The following SPIDR variants were observed in gnomAD, a reference collection of about 807,000 sequenced individuals.
SPIDR encodes the protein scaffold protein involved in DNA repair.
In SPIDR, 93 loss-of-function variants were observed where a neutral mutation model predicts 104.6. The observed-to-expected ratio is 0.89, with a 90% CI of 0.75 to 1.06. The LOEUF is 1.06. Ranked by LOEUF, SPIDR falls within the 50% of genes least tolerant of loss-of-function variation. SPIDR has a pLI of 0.00. For synonymous variants in SPIDR, 431 were observed against 416.9 expected (o/e 1.03, Z -0.41); for missense variants, 1,154 against 1,111.2 (o/e 1.04, Z -0.55).
intron 8 of SPIDR, among the ~76,000 whole-genome samples, chr8:47,466,847 A>C (rs190499008): frequency 1.7e-4 from 25 of 149,964 alleles, no homozygotes; most frequent in South Asian, 2.1e-4. Flanking sequence ...TAATCAAGAC[A>C]TGAAAAACCT....
intron 8 of SPIDR, among the ~76,000 whole-genome samples, chr8:47,538,759 A>G (rs1010639353): frequency 6.6e-6 from 1 of 151,842 alleles, no homozygotes; most frequent in Non-Finnish European, 1.5e-5. Flanking sequence ...AAATTGAATC[A>G]TATTTTTCTC....
intron 6 of SPIDR, among the ~76,000 whole-genome samples, chr8:47,404,507 A>G (rs902971436): frequency 3.9e-5 from 6 of 152,160 alleles, no homozygotes; most frequent in Non-Finnish European, 7.3e-5. Flanking sequence ...TTTACAAGAA[A>G]GAATCAAACA....
At chr8:47,383,482 A>G (rs1442938738) in intron 5 of SPIDR, among the ~76,000 whole-genome samples, 3 of 152,216 alleles carry the variant, frequency 2.0e-5, no homozygotes, top group East Asian at 3.8e-4. Context: ...AAAATGCTGT[A>G]TTAACTTAAT....
At chr8:47,644,201 G>A (rs1049991994) in intron 10 of SPIDR, among the ~76,000 whole-genome samples, 3 of 152,170 alleles carry the variant, frequency 2.0e-5, no homozygotes, top group Admixed American at 2.0e-4. Flanking sequence ...AGGAAGAAGG[G>A]CCCTGGAGAT....
chr8:47,601,780 G>A (rs1342367715), intron 10 of SPIDR, among the ~76,000 whole-genome samples: 1 of 152,208 alleles, frequency 6.6e-6, no homozygotes, highest in Non-Finnish European at 1.5e-5. Context: ...CAGCAGAAGT[G>A]CAAGTGTTTT....
chr8:47,335,190 A>G (rs1385982793), intron 5 of SPIDR, among the ~76,000 whole-genome samples: 1 of 152,166 alleles, frequency 6.6e-6, no homozygotes, highest in Non-Finnish European at 1.5e-5. Flanking sequence ...TTTACTGTCT[A>G]ATTTATTCCT....
At chr8:47,340,227 T>A (rs2050484696) in intron 5 of SPIDR, among the ~76,000 whole-genome samples, 1 of 152,174 alleles carries the variant, frequency 6.6e-6, no homozygotes, top group South Asian at 2.1e-4. Context: ...TTTTGTCCTT[T>A]ATGGCTACGA....
chr8:47,364,448 T>G (rs943232613), intron 5 of SPIDR, among the ~76,000 whole-genome samples: 4 of 152,238 alleles, frequency 2.6e-5, no homozygotes, highest in Non-Finnish European at 5.9e-5. Flanking sequence ...GAAGTGTTTT[T>G]GATGCAGAGC....
chr8:47,353,226 CT>C (rs2053895653), intron 5 of SPIDR, among the ~76,000 whole-genome samples: 1 of 152,040 alleles, frequency 6.6e-6, no homozygotes, highest in South Asian at 2.1e-4. Context: ...TGCCTGCATA[CT>C]TATATATACG....
At position 47,477,677 on chromosome 8, in the gene SPIDR, A is replaced by G. The variant is rs183726470; in HGVS notation, c.1097+37135A>G. ...ATGGCTTCTTGCAGATTGTCCCTCA[A>G]TAAGTATTAAAGTGGCAGTGAGTTT... is the stretch of plus-strand genomic sequence containing the variant. On this transcript the variant is annotated intron_variant, in intron 8 of 19. Coordinates refer to ENST00000297423, the MANE Select transcript of SPIDR (RefSeq NM_001080394.4). Among the ~76,000 whole-genome samples, 228 of 152,342 alleles carry G rather than the reference A, an allele frequency of 1.5e-3. 2 individuals carry two copies. In the South Asian group the frequency reaches 0.021, roughly 14 times the overall value.
chr8:47,706,357 C>T (rs1338083645), intron 14 of SPIDR, among the ~76,000 whole-genome samples: 1 of 152,188 alleles, frequency 6.6e-6, no homozygotes, highest in Non-Finnish European at 1.5e-5. Flanking sequence ...CACGCCACTG[C>T]ACTCCAGCCT....
intron 5 of SPIDR, among the ~76,000 whole-genome samples, chr8:47,358,434 T>A (rs1182780859): frequency 2.0e-5 from 3 of 152,202 alleles, no homozygotes; most frequent in African/African-American, 7.2e-5. Flanking sequence ...AGAGATTATC[T>A]TATTTTTTTC....
intron 8 of SPIDR, among the ~76,000 whole-genome samples, chr8:47,447,012 A>G (rs558423235): frequency 6.6e-6 from 1 of 152,280 alleles, no homozygotes; most frequent in East Asian, 1.9e-4. Flanking sequence ...GGAGTATGGA[A>G]AGAGTTGATT....
At position 47,440,532 on chromosome 8, in the gene SPIDR, T is replaced by G. The variant is rs2069209644; in HGVS notation, c.1087T>G (p.Phe363Val). The G allele has an allele frequency of 6.2e-7, 1 of 1,613,708 alleles. No individual in the cohort carries two copies. The highest frequency in any genetic ancestry group is 1.7e-5 in the Admixed American group (1 of 60,010). ...CCGTCCCCAGGACACTGTCCGGATC[T>G]TCCCTCCCTGGTGAGTGCGCAGAAC... ...RGRPQDTVRI[F>V]PPWQKLIIPS... The change falls in exon 8 of 20, where the codon TTC becomes GTC. Residue 363 changes from phenylalanine (F) to valine (V), a missense_variant. Physicochemically the swap from Phe to Val is conservative, Grantham distance 50. Coordinates refer to ENST00000297423, the MANE Select transcript of SPIDR (RefSeq NM_001080394.4).
In SPIDR at chr8:47,396,643, T is replaced by C; in HGVS notation, c.776+17T>C. On this transcript the variant is annotated intron_variant, in intron 6 of 19. Coordinates refer to ENST00000297423, the MANE Select transcript of SPIDR (RefSeq NM_001080394.4). Reference sequence around the variant, plus strand: ...GCTTTTAAGGTTAAATTATACCCTTTTAAATACTCTTTTTAAATTTTTCTC... The same window carrying C: ...GCTTTTAAGGTTAAATTATACCCTTCTAAATACTCTTTTTAAATTTTTCTC... 1 of 1,561,614 alleles carries C rather than the reference T, an allele frequency of 6.4e-7. No homozygotes were observed. Among genetic ancestry groups the C allele is most frequent in the Non-Finnish European group, 8.6e-7 (1 of 1,158,914 alleles).
At chr8:47,393,464 G>A (rs2060849755) in intron 5 of SPIDR, among the ~76,000 whole-genome samples, 1 of 151,970 alleles carries the variant, frequency 6.6e-6, no homozygotes, top group Non-Finnish European at 1.5e-5. Context: ...GAGGTTGTTG[G>A]CTCCTGCGTC....
chr8:47,402,413 A>G (rs2062033581), intron 6 of SPIDR, among the ~76,000 whole-genome samples: 1 of 152,206 alleles, frequency 6.6e-6, no homozygotes, highest in African/African-American at 2.4e-5. Flanking sequence ...TGAATCCAGG[A>G]GCTGGTTTTT....
At chr8:47,689,781 C>T (rs1441906297) in intron 11 of SPIDR, among the ~76,000 whole-genome samples, 2 of 152,162 alleles carry the variant, frequency 1.3e-5, no homozygotes, top group African/African-American at 4.8e-5. Flanking sequence ...ACTCCAATGC[C>T]GGTGTCCCAC....
At chr8:47,519,503 G>A (rs1234112992) in intron 8 of SPIDR, among the ~76,000 whole-genome samples, 1 of 152,136 alleles carries the variant, frequency 6.6e-6, no homozygotes, top group Admixed American at 6.5e-5. Context: ...TTGGTCAAGC[G>A]CAGTGGCTCA....
Sources: gnomAD v4.1 joint callset for allele counts (sites outside exome capture counted in the v4.1 genomes callset) on GRCh38, gnomAD v4.1.1 for gene constraint, MANE v1.5 for transcripts, NCBI Gene and HGNC (gene_info 2026-07-23, HGNC 2026-07-21) for gene names.